POC1B: variants seen among roughly 807,000 people sequenced by gnomAD.
POC1B encodes POC1 centriolar protein homolog B.
A neutral mutation model predicts 60.6 loss-of-function variants in POC1B; 44 were observed. The observed-to-expected ratio is 0.73, with a 90% CI of 0.57 to 0.93. The LOEUF (loss-of-function observed/expected upper bound fraction) is 0.93. Ranked by LOEUF, POC1B falls within the 40% of genes least tolerant of loss-of-function variation. The pLI, the probability that POC1B is intolerant of heterozygous loss-of-function variation, is 0.00. For missense variants in POC1B, 555 were observed against 572.3 expected, an observed-to-expected ratio of 0.97 and a Z score of 0.31; for synonymous variants, 180 against 198.9, an observed-to-expected ratio of 0.90 and a Z score of 0.80.
intron 3 of POC1B, 66 bp downstream of exon 3, chr12:89,497,105 C>T: frequency 6.6e-7 from 1 of 1,514,240 alleles, no homozygotes; most frequent in South Asian, 1.2e-5. Flanking sequence ...TGAGCAGCAG[C>T]CAGGGTCAGC....
chr12:89,472,465 A>AG, intron 4 of POC1B, 190 bp from the exon 5 acceptor site: 2 of 504,728 alleles, frequency 4.0e-6, no homozygotes, highest in Non-Finnish European at 3.5e-6. Flanking sequence ...GACCATTAAA[A>AG]GGTCAAAATA....
intron 10 of POC1B, chr12:89,429,233 G>C (rs1370235953): frequency 1.3e-5 from 2 of 152,166 alleles, no homozygotes; most frequent in Non-Finnish European, 2.9e-5. Context: ...CATATGTGCA[G>C]AGAGAAAAAA....
intron 10 of POC1B, among the ~76,000 whole-genome samples, chr12:89,445,451 C>T (rs929739529): frequency 6.6e-6 from 1 of 152,084 alleles, no homozygotes. Flanking sequence ...GAGATACTAC[C>T]ACACATCTAC....
At chr12:89,430,880 A>AAATATTAG (rs1270536614) in intron 10 of POC1B, among the ~76,000 whole-genome samples, 1 of 152,180 alleles carries the variant, frequency 6.6e-6, no homozygotes, top group Non-Finnish European at 1.5e-5. Flanking sequence ...ACAAAAAATT[A>AAATATTAG]AATATTAGCA....
intron 10 of POC1B, among the ~76,000 whole-genome samples, chr12:89,439,234 A>G (rs1369343408): frequency 6.6e-6 from 1 of 152,150 alleles, no homozygotes; most frequent in South Asian, 2.1e-4. Context: ...CCTGATTCCT[A>G]TGATCCTCTC....
chr12:89,448,972 T>C (rs893855545), intron 10 of POC1B, among the ~76,000 whole-genome samples: 4 of 152,254 alleles, frequency 2.6e-5, no homozygotes, highest in Admixed American at 2.6e-4. Context: ...AGGTCCTCAG[T>C]ACTTTCCGTT....
At chr12:89,502,366 G>C in intron 2 of POC1B, 1 of 1,608,134 alleles carries the variant, frequency 6.2e-7, no homozygotes, top group Non-Finnish European at 8.5e-7. Context: ...GTACTGGCGA[G>C]GACAGCAAAT....
intron 10 of POC1B, among the ~76,000 whole-genome samples, chr12:89,445,301 C>CTT (rs1200714704): frequency 6.6e-6 from 1 of 152,148 alleles, no homozygotes; most frequent in African/African-American, 2.4e-5. Context: ...ATTGCCAAGA[C>CTT]AATCCTAAGC....
At chr12:89,421,496 A>G (rs562199270) in intron 11 of POC1B, among the ~76,000 whole-genome samples, 1 of 152,316 alleles carries the variant, frequency 6.6e-6, no homozygotes, top group African/African-American at 2.4e-5. Flanking sequence ...TGTGTTTGAG[A>G]AAAAAAGCAG....
At chr12:89,498,454 T>C (rs968636937) in intron 2 of POC1B, among the ~76,000 whole-genome samples, 1 of 152,186 alleles carries the variant, frequency 6.6e-6, no homozygotes, top group Non-Finnish European at 1.5e-5. Context: ...TGTAGAGTGC[T>C]TAGAAAAAAA....
At position 89,466,766 on chromosome 12, in the gene POC1B, T is replaced by G; in HGVS notation, c.1032+4A>C. On this transcript the variant is annotated splice_donor_region_variant and intron_variant, in intron 9 of 11. Transcript: ENST00000313546. ...TGTAGGACAAATATGAACAAAATAC[T>G]CACTTCTACAGTCTCAACTTTTTCC... is the stretch of plus-strand genomic sequence containing the variant. 2 of 1,602,058 alleles carry G rather than the reference T, an allele frequency of 1.2e-6. No homozygotes were observed. Among genetic ancestry groups the G allele is most frequent in the East Asian group, 2.2e-5 (1 of 44,556 alleles).
chr12:89,519,798 A>C (rs1469140508), intron 2 of POC1B: 1 of 75,662 alleles, frequency 1.3e-5, no homozygotes, highest in African/African-American at 4.9e-5. Flanking sequence ...CCTCCTGGTG[A>C]CTAGATTTTT....
intron 4 of POC1B, among the ~76,000 whole-genome samples, chr12:89,487,749 T>C (rs370848003): frequency 1.3e-5 from 2 of 152,174 alleles, no homozygotes; most frequent in Admixed American, 1.3e-4. Context: ...TGAAGACAGC[T>C]TGCCTTCCCT....
the POC1B span, among the ~76,000 whole-genome samples, chr12:89,409,887 C>A: frequency 1.3e-5 from 2 of 152,202 alleles, no homozygotes; most frequent in Non-Finnish European, 2.9e-5. Context: ...CAAAGAGGAT[C>A]TGGTACCACT....
chr12:89,471,361 T>G (rs1373939792), intron 6 of POC1B, among the ~76,000 whole-genome samples: 1 of 152,242 alleles, frequency 6.6e-6, no homozygotes, highest in Non-Finnish European at 1.5e-5. Flanking sequence ...AACCAGAATT[T>G]GAAAATCTCA....
At chr12:89,468,525 TA>T (rs1163875749) in intron 7 of POC1B, among the ~76,000 whole-genome samples, 1 of 152,246 alleles carries the variant, frequency 6.6e-6, no homozygotes, top group Non-Finnish European at 1.5e-5. Context: ...ATTTAGTTTA[TA>T]ATATTAATAG....
chr12:89,518,760 GA>G (rs1256958332), intron 2 of POC1B, among the ~76,000 whole-genome samples: 1 of 152,144 alleles, frequency 6.6e-6, no homozygotes, highest in Non-Finnish European at 1.5e-5. Context: ...CTGAAACACA[GA>G]GAGATGAAGT....
intron 10 of POC1B, among the ~76,000 whole-genome samples, chr12:89,443,819 G>GT (rs531763703): frequency 6.6e-6 from 1 of 150,794 alleles, no homozygotes; most frequent in African/African-American, 2.4e-5. Context: ...CCAGGAGCTG[G>GT]TTTTTTGAAA....
chr12:89,492,939 C>T (rs1869057656), intron 3 of POC1B, among the ~76,000 whole-genome samples: 1 of 152,012 alleles, frequency 6.6e-6, no homozygotes. Context: ...AATCTTTTGT[C>T]CCCTGCCAGT....
Sources: gnomAD v4.1 joint callset for allele counts (sites outside exome capture counted in the v4.1 genomes callset) on GRCh38, gnomAD v4.1.1 for gene constraint, MANE v1.5 for transcripts, NCBI Gene and HGNC (gene_info 2026-07-23, HGNC 2026-07-21) for gene names.